Variants in ARHGAP39 observed in about 807,000 individuals in gnomAD.
ARHGAP39 encodes Rho GTPase activating protein 39, also known as rho GTPase-activating protein 39.
A neutral mutation model predicts 106.9 loss-of-function variants in ARHGAP39; 44 were observed. That is an observed-to-expected ratio of 0.41 (90% CI 0.32 to 0.53). ARHGAP39 has a LOEUF of 0.53. Ranked by LOEUF, ARHGAP39 falls within the 20% of genes least tolerant of loss-of-function variation. The pLI is 0.21. For missense variants in ARHGAP39, 1,496 were observed against 1,577.3 expected (o/e 0.95, Z 0.87); for synonymous variants, 768 against 693.2 (o/e 1.11, Z -1.69).
Position 144,547,013 on chromosome 8 carries a change from T to G in ARHGAP39, c.1959+114A>C, listed in dbSNP as rs1817454773. The stretch of plus-strand genomic sequence containing the variant: ...CCGGAGACACGGGGCTTCAGAACTC[T>G]GCGTGCTGCGTGCACGCCCTGGACG... On this transcript the variant is annotated intron_variant, in intron 5 of 11. Transcript: ENST00000377307. The surrounding 1 kb of genome is among the most constrained non-coding windows in gnomAD (Gnocchi z 5.2). 55 of 1,297,770 alleles carry G rather than the reference T, an allele frequency of 4.2e-5. 1 individual carries two copies. In the South Asian group the frequency reaches 8.5e-4, roughly 20 times the overall value. 80.4% of individuals were successfully genotyped at this position (1,297,770 alleles called of 1,614,324 possible).
intron 5 of ARHGAP39, among the ~76,000 whole-genome samples, chr8:144,546,210 G>A (rs1220380671): frequency 6.6e-6 from 1 of 152,186 alleles, no homozygotes; most frequent in Non-Finnish European, 1.5e-5. Flanking sequence ...TAAAAGTGCT[G>A]TCTGGTTCCC....
At chr8:144,661,353 T>C (rs1821817793) in intron 1 of ARHGAP39, among the ~76,000 whole-genome samples, 1 of 152,164 alleles carries the variant, frequency 6.6e-6, no homozygotes, top group Admixed American at 6.5e-5. Context: ...AGAGGTGGGC[T>C]CCACACACCA....
chr8:144,556,620 G>A (rs1306498906), intron 3 of ARHGAP39, among the ~76,000 whole-genome samples: 1 of 151,134 alleles, frequency 6.6e-6, no homozygotes, highest in Non-Finnish European at 1.5e-5. Flanking sequence ...AACCTTCATA[G>A]TATTCAGAGG....
At chr8:144,598,951 G>A (rs933876166) in intron 2 of ARHGAP39, among the ~76,000 whole-genome samples, 2 of 152,326 alleles carry the variant, frequency 1.3e-5, no homozygotes, top group Non-Finnish European at 2.9e-5. Flanking sequence ...CAAAAGATAA[G>A]AGCATGCAAT....
intron 1 of ARHGAP39, among the ~76,000 whole-genome samples, chr8:144,683,833 G>C (rs916506462): frequency 6.6e-6 from 1 of 151,596 alleles, no homozygotes; most frequent in Non-Finnish European, 1.5e-5. Context: ...CATTGGCAGT[G>C]CTGGAGAAAC....
intron 6 of ARHGAP39, chr8:144,543,807 A>C (rs1817293259): frequency 6.6e-6 from 1 of 152,194 alleles, no homozygotes; most frequent in Non-Finnish European, 1.5e-5. Flanking sequence ...TTGGCTAGGC[A>C]GCTGGCCCAA....
intron 1 of ARHGAP39, among the ~76,000 whole-genome samples, chr8:144,677,990 TCAA>T (rs1053512369): frequency 6.6e-6 from 1 of 152,144 alleles, no homozygotes; most frequent in Non-Finnish European, 1.5e-5. Context: ...GGGAAATGTG[TCAA>T]CGAGTCCCTC....
upstream of ARHGAP39, among the ~76,000 whole-genome samples, chr8:144,689,786 C>T (rs1192190835): frequency 6.9e-6 from 1 of 144,086 alleles, no homozygotes; most frequent in Non-Finnish European, 1.5e-5. Flanking sequence ...GCTCTTGTCA[C>T]CCAGGCTAGA....
Position 144,645,425 on chromosome 8 carries a change from G to C in ARHGAP39, c.-81-39730C>G, listed in dbSNP as rs1173066432. Among the ~76,000 whole-genome samples the C allele has an allele frequency of 6.7e-6, 1 of 150,282 alleles. No homozygotes were observed. Among genetic ancestry groups the C allele is most frequent in the Non-Finnish European group, 1.5e-5 (1 of 67,480 alleles). The stretch of plus-strand genomic sequence containing the variant: ...TGTGGTCTCTCCCGGCAGAGTCACT[G>C]ATGGACTCCGTCAGGGCAGAGCCTC... On this transcript the variant is annotated intron_variant, in intron 1 of 11. Transcript: ENST00000377307. This position sits in a 1 kb window ranked among gnomAD's most constrained non-coding sequence, Gnocchi z 4.4.
chr8:144,602,664 A>G, intron 2 of ARHGAP39, among the ~76,000 whole-genome samples: 2 of 94,718 alleles, frequency 2.1e-5, no homozygotes, highest in Non-Finnish European at 4.1e-5. Context: ...GTGTGCATGG[A>G]GGCGTGCGTG....
intron 2 of ARHGAP39, among the ~76,000 whole-genome samples, chr8:144,587,729 G>C (rs1331098360): frequency 2.0e-5 from 3 of 150,400 alleles, no homozygotes; most frequent in African/African-American, 2.5e-5. Context: ...ATCTCGGCTC[G>C]CTGCGACTTC....
intron 3 of ARHGAP39, among the ~76,000 whole-genome samples, chr8:144,577,270 G>A (rs1247770898): frequency 6.6e-6 from 1 of 152,088 alleles, no homozygotes; most frequent in Non-Finnish European, 1.5e-5. Context: ...CGGAATACAC[G>A]CTCAGGGCCG....
intron 9 of ARHGAP39, 96 bp from the exon 10 acceptor site, chr8:144,532,492 G>T: frequency 8.7e-7 from 1 of 1,149,192 alleles, no homozygotes; most frequent in Non-Finnish European, 1.2e-6. Flanking sequence ...CTGCTGACCC[G>T]GGGAGGGGAG....
At chr8:144,616,966 C>T (rs1424477011) in intron 1 of ARHGAP39, among the ~76,000 whole-genome samples, 1 of 152,178 alleles carries the variant, frequency 6.6e-6, no homozygotes, top group African/African-American at 2.4e-5. Context: ...AATTGCAGCA[C>T]TTTGGGAGTC....
chr8:144,589,426 G>A (rs1819306926), intron 2 of ARHGAP39, among the ~76,000 whole-genome samples: 1 of 152,214 alleles, frequency 6.6e-6, no homozygotes, highest in Admixed American at 6.5e-5. Context: ...GAGCAGGGCA[G>A]CGGGAAGCCC....
chr8:144,556,719 A>C (rs1476819739), intron 3 of ARHGAP39, among the ~76,000 whole-genome samples: 84 of 26,690 alleles, frequency 3.1e-3, no homozygotes, highest in African/African-American at 0.013. Context: ...TAGTATTCAG[A>C]GGCAAAAGGC....
intron 1 of ARHGAP39, among the ~76,000 whole-genome samples, chr8:144,667,466 T>C (rs1327707838): frequency 6.6e-6 from 1 of 152,120 alleles, no homozygotes; most frequent in Non-Finnish European, 1.5e-5. Context: ...AGATGTCACA[T>C]GTCACGTGTC....
rs1819412913 is a variant in ARHGAP39, at chr8:144,591,855, GGCGGCGTC to G, written c.81-10586_81-10579del. Among the ~76,000 whole-genome samples the G allele has an allele frequency of 6.6e-6, 1 of 152,200 alleles. No individual in the cohort carries two copies. Among genetic ancestry groups the G allele is most frequent in the Admixed American group, 6.5e-5 (1 of 15,286 alleles). ...TGTGCCAGGGCGGCTTCCCCTGGAT[GGCGGCGTC>G]GCCTCGTCGCCTCGTGCCTGCGGGG... On this transcript the variant is annotated intron_variant, in intron 2 of 11. Transcript: ENST00000377307. The surrounding 1 kb of genome is among the most constrained non-coding windows in gnomAD (Gnocchi z 5.3).
intron 1 of ARHGAP39, among the ~76,000 whole-genome samples, chr8:144,678,922 G>C: frequency 6.6e-6 from 1 of 152,176 alleles, no homozygotes; most frequent in Non-Finnish European, 1.5e-5. Flanking sequence ...TAGTGCAGGA[G>C]GGACATGGTG....
Sources: gnomAD v4.1 joint callset for allele counts (sites outside exome capture counted in the v4.1 genomes callset) on GRCh38, gnomAD v4.1.1 for gene constraint, Gnocchi (gnomAD v3.1) non-coding constraint, MANE v1.5 for transcripts, NCBI Gene and HGNC (gene_info 2026-07-23, HGNC 2026-07-21) for gene names.